The following CUBN variants were observed in gnomAD, a reference collection of about 807,000 sequenced individuals.
The protein encoded by CUBN is cubilin, also known as 460 kDa receptor.
CUBN carries 282 observed loss-of-function variants against 405.3 expected under a neutral mutation model. The ratio of observed to expected loss-of-function variants is 0.70; its 90% confidence interval spans 0.63 to 0.77. The LOEUF is 0.77. Among genes scored for constraint, CUBN ranks in the 30% least tolerant of loss-of-function variants. The probability of loss-of-function intolerance (pLI) is 0.00; values close to 1 mark genes in which losing one functional copy is unlikely to be tolerated. For missense variants in CUBN, 4,514 were observed against 4,475.2 expected (o/e 1.01, Z -0.25); for synonymous variants, 1,684 against 1,617.0 (o/e 1.04, Z -0.99).
intron 59 of CUBN, among the ~76,000 whole-genome samples, chr10:16,857,629 T>C (rs1162622988): frequency 1.3e-5 from 2 of 152,184 alleles, no homozygotes; most frequent in African/African-American, 2.4e-5. Context: ...CCAACACACA[T>C]TCATGATAAA....
intron 29 of CUBN, among the ~76,000 whole-genome samples, chr10:16,988,217 G>C (rs1466841484): frequency 6.6e-6 from 1 of 152,212 alleles, no homozygotes; most frequent in Non-Finnish European, 1.5e-5. Flanking sequence ...TGAAAATAAA[G>C]GGTTTGGAAC....
intron 66 of CUBN, 23 bp from the exon 67 acceptor site, chr10:16,825,105 C>A (rs1443047964): frequency 6.6e-7 from 1 of 1,517,754 alleles, no homozygotes; most frequent in Non-Finnish European, 9.1e-7. Flanking sequence ...AAAAAAGTAT[C>A]CAATTATATA....
intron 21 of CUBN, among the ~76,000 whole-genome samples, chr10:17,067,541 A>G (rs372856123): frequency 5.9e-5 from 9 of 152,260 alleles, no homozygotes; most frequent in African/African-American, 2.2e-4. Context: ...CCTAATATAC[A>G]TGAAATCAGA....
intron 25 of CUBN, among the ~76,000 whole-genome samples, 159 bp downstream of exon 25, chr10:17,044,848 T>A (rs370810505): frequency 6.6e-6 from 1 of 152,222 alleles, no homozygotes; most frequent in South Asian, 2.1e-4. Context: ...AGATGGTCAC[T>A]TTCACCAAAT....
chr10:17,128,065 C>T (rs560144147), intron 2 of CUBN, 141 bp from the exon 3 acceptor site: 2 of 605,254 alleles, frequency 3.3e-6, no homozygotes, highest in Non-Finnish European at 5.8e-6. Flanking sequence ...ACCAAAACAA[C>T]ACCATGCGTA....
chr10:17,036,550 C>T (rs898243537), intron 27 of CUBN, among the ~76,000 whole-genome samples: 6 of 152,002 alleles, frequency 3.9e-5, no homozygotes, highest in Admixed American at 1.3e-4. Context: ...GATTGTGTTT[C>T]GGTGCCACCA....
intron 31 of CUBN, among the ~76,000 whole-genome samples, chr10:16,970,144 C>T (rs747592493): frequency 4.6e-5 from 7 of 152,146 alleles, no homozygotes; most frequent in Admixed American, 2.6e-4. Context: ...TATTTGGCAC[C>T]GAAGGGGAAA....
chr10:16,882,357 T>C (rs1337078501), intron 56 of CUBN, among the ~76,000 whole-genome samples: 3 of 152,244 alleles, frequency 2.0e-5, no homozygotes, highest in Non-Finnish European at 1.5e-5. Flanking sequence ...TTTGTTTTTA[T>C]GACTATTTTC....
At chr10:17,107,133 G>A (rs1294866699) in intron 10 of CUBN, among the ~76,000 whole-genome samples, 1 of 152,154 alleles carries the variant, frequency 6.6e-6, no homozygotes, top group Non-Finnish European at 1.5e-5. Flanking sequence ...ATGTACATGA[G>A]GTAATAGCTA....
chr10:16,861,700 C>T (rs1037306692), intron 59 of CUBN, among the ~76,000 whole-genome samples: 4 of 152,094 alleles, frequency 2.6e-5, no homozygotes, highest in African/African-American at 4.8e-5. Context: ...TGATGCTCCA[C>T]GTTTACCCTC....
rs1836090919 is a variant in CUBN at position 17,085,689 on chromosome 10, A to G, written c.2018T>C (p.Leu673Pro). The change falls in exon 16 of 67, where the codon CTC becomes CCC. Residue 673 changes from leucine to proline, a missense_variant. Physicochemically the swap from Leu to Pro is moderately conservative, Grantham distance 98. Transcript: ENST00000377833. The stretch of plus-strand genomic sequence containing the variant: ...TCTGGCAAAGGGGCCAGTAGTCTGG[A>G]GCGGTGGGACAGAGAAAGTGGTGCA... Reference protein sequence around the residue: ...KFCTTFSVPPLQTTGPFARIH... With the variant: ...KFCTTFSVPPPQTTGPFARIH... 1 of 1,613,912 alleles carries G rather than the reference A, an allele frequency of 6.2e-7. No homozygotes were observed. The highest frequency in any genetic ancestry group is 1.1e-5 in the South Asian group (1 of 91,076).
At chr10:16,848,690 C>CTTTTTTTTTTTTTTTTTTTTTTTT (rs10562297) in intron 60 of CUBN, among the ~76,000 whole-genome samples, 1 of 53,338 alleles carries the variant, frequency 1.9e-5, no homozygotes, top group African/African-American at 5.9e-5. Context: ...CTCTCCCAGC[C>CTTTTTTTTTTTTTTTTTTTTTTTT]TTTTTTTTTT....
chr10:16,861,943 G>A (rs1840025672), intron 59 of CUBN, among the ~76,000 whole-genome samples: 1 of 152,112 alleles, frequency 6.6e-6, no homozygotes, highest in African/African-American at 2.4e-5. Context: ...GAGGTCAGGA[G>A]TTCGAGACCA....
chr10:16,979,722 C>G (rs1833209476), intron 31 of CUBN, among the ~76,000 whole-genome samples: 1 of 152,052 alleles, frequency 6.6e-6, no homozygotes, highest in African/African-American at 2.4e-5. Context: ...AATGTAAAAC[C>G]TAAAATCATA....
chr10:17,120,736 G>A (rs58889089), intron 6 of CUBN, among the ~76,000 whole-genome samples: 3,430 of 152,252 alleles, frequency 0.023, 135 homozygotes, highest in African/African-American at 0.078. Flanking sequence ...CATTTTGCAG[G>A]GGGAAGAAAT....
At chr10:16,914,886 T>C (rs899217363) in intron 47 of CUBN, 146 bp downstream of exon 47, 1 of 730,704 alleles carries the variant, frequency 1.4e-6, no homozygotes, top group Non-Finnish European at 2.4e-6. Context: ...TAATTTTTCA[T>C]TTATCACTGT....
chr10:16,949,751 G>T lies in CUBN; in HGVS notation c.5080+250C>A, dbSNP rs559560790. Among the ~76,000 whole-genome samples the T allele has an allele frequency of 5.3e-3, 807 of 152,144 alleles. 14 individuals carry two copies. Among genetic ancestry groups the T allele is most frequent in the African/African-American group, 0.019 (768 of 41,488 alleles). On this transcript the variant is annotated intron_variant, in intron 34 of 66. Transcript: ENST00000377833. ...CATTCCACTATTCTTTAAAGCAGCT[G>T]CAATTTTTAAATGTTTTAAAACATA... is the stretch of plus-strand genomic sequence containing the variant.
intron 31 of CUBN, among the ~76,000 whole-genome samples, chr10:16,978,155 G>A (rs562241829): frequency 8.5e-5 from 13 of 152,238 alleles, no homozygotes; most frequent in South Asian, 4.1e-4. Context: ...CCTAAGATAC[G>A]AATGGCTTAC....
chr10:17,044,375 T>A (rs7076142), intron 25 of CUBN, among the ~76,000 whole-genome samples: 36,365 of 150,318 alleles, frequency 0.24, 4,721 homozygotes, highest in Middle Eastern at 0.36. Context: ...AATAACCTTA[T>A]AAATTATATT....
Sources: allele counts gnomAD v4.1 joint callset (sites outside exome capture counted in the v4.1 genomes callset), GRCh38; gene constraint gnomAD v4.1.1; transcripts MANE v1.5; gene names NCBI Gene and HGNC (gene_info 2026-07-23, HGNC 2026-07-21).